NTAN1: variants seen among roughly 807,000 people sequenced by gnomAD.
NTAN1 encodes the protein N-terminal asparagine amidase, also known as protein N-terminal asparagine amidohydrolase.
A neutral mutation model predicts 41.9 loss-of-function variants in NTAN1; 32 were observed. That is an observed-to-expected ratio of 0.76 (90% CI 0.58 to 1.03). NTAN1 has a LOEUF of 1.03. NTAN1 is among the 50% of genes least tolerant of loss of function. The pLI, the probability that NTAN1 is intolerant of heterozygous loss-of-function variation, is 0.00. For missense variants in NTAN1, 377 were observed against 377.5 expected (o/e 1.00, Z 0.01); for synonymous variants, 140 against 139.5 (o/e 1.00, Z -0.03).
At chr16:15,046,697 CAAAAAAAA>C (rs9331444) in intron 4 of NTAN1, among the ~76,000 whole-genome samples, 9 of 43,620 alleles carry the variant, frequency 2.1e-4, no homozygotes, top group African/African-American at 6.8e-4. Context: ...CTGTCTCTAC[CAAAAAAAA>C]AAAAAAAAAA....
In NTAN1 at chr16:15,037,900, T is replaced by C. The variant is rs2043587875; in HGVS notation, c.*131A>G. On this transcript the variant is annotated 3_prime_UTR_variant, in exon 10 of 10. Transcript: ENST00000287706. ...TATTTTGAAAGTCATTTGATGAAAG[T>C]CATTTGAAAGACACTGAGGAGGGAA... 5.1e-6 allele frequency: 3 copies of C among 584,948 alleles called. No individual in the cohort carries two copies. Among genetic ancestry groups the C allele is most frequent in the African/African-American group, 1.9e-5 (1 of 53,710 alleles). 36.2% of individuals were successfully genotyped at this position (584,948 alleles called of 1,614,324 possible).
chr16:15,038,831 C>T lies in NTAN1; in HGVS notation c.640-144G>A, dbSNP rs983911492. The T allele has an allele frequency of 8.6e-6, 5 of 583,666 alleles. No individual in the cohort carries two copies. In the Admixed American group the frequency reaches 1.7e-4, roughly 19 times the overall value. 36.2% of individuals were successfully genotyped at this position (583,666 alleles called of 1,614,324 possible). A position where few individuals can be genotyped will look rare whatever the true frequency, so the allele number is the denominator to read the frequency against. ...ACCTGTCTCAAATAACAAAAGCTGC[C>T]AGCTACTGAACACGTCCAGTGTGTC... is the stretch of plus-strand genomic sequence containing the variant. On this transcript the variant is annotated intron_variant, in intron 8 of 9. Transcript: ENST00000287706.
chr16:15,044,743 G>T, intron 4 of NTAN1: 1 of 278,456 alleles, frequency 3.6e-6, no homozygotes, highest in Non-Finnish European at 6.8e-6. Flanking sequence ...TAGCACTTTG[G>T]GAGGCTGAGG....
At chr16:15,046,084 A>G (rs2044048122) in intron 4 of NTAN1, 2 of 152,292 alleles carry the variant, frequency 1.3e-5, no homozygotes, top group South Asian at 4.1e-4. Flanking sequence ...GTGTGGCAAC[A>G]TAATGGCATT....
rs186043480 is a variant in NTAN1 at position 15,040,434 on chromosome 16, G to A, written c.542-368C>T. The A allele has an allele frequency of 1.6e-3, 345 of 215,460 alleles. 1 individual carries two copies. The highest frequency in any genetic ancestry group is 2.4e-3 in the Non-Finnish European group (266 of 110,196). 13.3% of individuals were successfully genotyped at this position (215,460 alleles called of 1,614,324 possible). A position where few individuals can be genotyped will look rare whatever the true frequency, so the allele number is the denominator to read the frequency against. ...GTTCTGTTTGAATCTTCACAATTTA[G>A]TATTTTATACATACACGAAGTTACA... On this transcript the variant is annotated intron_variant, in intron 7 of 9. Coordinates refer to ENST00000287706, the MANE Select transcript of NTAN1 (RefSeq NM_173474.4).
intron 7 of NTAN1, chr16:15,040,271 T>G: frequency 2.3e-6 from 1 of 429,454 alleles, no homozygotes. Context: ...AGGCTCGAGC[T>G]GGACTCGGTG....
chr16:15,052,184 T>C (rs942936160), intron 1 of NTAN1, among the ~76,000 whole-genome samples: 1 of 152,218 alleles, frequency 6.6e-6, no homozygotes, highest in South Asian at 2.1e-4. Context: ...TCTGCTGTTA[T>C]TATGAAGTGA....
At chr16:15,051,308 A>C (rs2044281128) in intron 1 of NTAN1, among the ~76,000 whole-genome samples, 2 of 152,270 alleles carry the variant, frequency 1.3e-5, no homozygotes, top group African/African-American at 4.8e-5. Context: ...AAAAATTATC[A>C]GAAGAGAGAA....
intron 6 of NTAN1, 64 bp from the exon 7 acceptor site, chr16:15,041,185 G>C (rs1237886107): frequency 5.5e-6 from 6 of 1,084,430 alleles, no homozygotes; most frequent in Non-Finnish European, 8.5e-6. Context: ...TTTTTACTTT[G>C]TATAATAAAG....
Position 15,044,343 on chromosome 16 carries a change from G to T in NTAN1, c.424C>A (p.Gln142Lys). The T allele has an allele frequency of 6.2e-7, 1 of 1,606,244 alleles. No individual in the cohort carries two copies. Among genetic ancestry groups the T allele is most frequent in the Non-Finnish European group, 8.5e-7 (1 of 1,172,974 alleles). Residue 142 changes from glutamine to lysine, a missense_variant, in exon 5 of 10, where the codon CAA becomes AAA. By Grantham distance (53) the Gln-to-Lys change is moderately conservative (BLOSUM62 1). Coordinates refer to ENST00000287706, the MANE Select transcript of NTAN1 (RefSeq NM_173474.4). ...DRQLSQKLTHQLLSEFDRQED... is the reference protein window; with the variant it reads ...DRQLSQKLTHKLLSEFDRQED... ...AAAAAAATGAACTTACTAAGAAGTT[G>T]ATGAGTGAGTTTTTGTGACAACTGC...
chr16:15,040,307 C>T (rs1567754853), intron 7 of NTAN1: 2 of 408,190 alleles, frequency 4.9e-6, no homozygotes, highest in Non-Finnish European at 8.6e-6. Flanking sequence ...CCAAGAGCTG[C>T]TTTCCACATG....
intron 1 of NTAN1, among the ~76,000 whole-genome samples, chr16:15,048,648 G>T (rs1323279127): frequency 6.6e-6 from 1 of 152,110 alleles, no homozygotes; most frequent in East Asian, 1.9e-4. Context: ...TTTTGAGACA[G>T]TCTCTCACTC....
chr16:15,054,135 G>A (rs1273048040), intron 1 of NTAN1, among the ~76,000 whole-genome samples: 2 of 152,098 alleles, frequency 1.3e-5, no homozygotes, highest in Non-Finnish European at 2.9e-5. Context: ...TGCCCGCCGC[G>A]CCCCAGGCGG....
At chr16:15,038,471 C>T in intron 9 of NTAN1, 103 bp downstream of exon 9, 1 of 704,656 alleles carries the variant, frequency 1.4e-6, no homozygotes, top group Non-Finnish European at 2.4e-6. Context: ...TTACTACCCG[C>T]CAAAGGGAAA....
At position 15,038,622 on chromosome 16, in the gene NTAN1, A is replaced by AAAT; in HGVS notation, c.702_704dup (p.Pro234_Phe235insLeu). On this transcript the variant is annotated inframe_insertion, in exon 9 of 10. Coordinates refer to ENST00000287706, the MANE Select transcript of NTAN1 (RefSeq NM_173474.4). ...GGTGCAACCAGAAATCCACATGTGG[A>AAAT]AATGGTGTCCAGGAGTACGGTCCTA... 6.2e-7 allele frequency: 1 copy of AAAT among 1,610,298 alleles called. No individual in the cohort carries two copies. The highest frequency in any genetic ancestry group is 8.5e-7 in the Non-Finnish European group (1 of 1,176,672).
rs758597516 is a variant in NTAN1, at chr16:15,050,731, C to CA, written c.82-2633dup. ...TGGGTGACAGACCAAGACCCTGCCT[C>CA]AAAAAAAAAAAAATTAAGATTAAAC... On this transcript the variant is annotated intron_variant, in intron 1 of 9. Transcript: ENST00000287706. Among the ~76,000 whole-genome samples, 486 of 129,602 alleles carry CA rather than the reference C, an allele frequency of 3.7e-3. 1 individual carries two copies. Among genetic ancestry groups the CA allele is most frequent in the Middle Eastern group, 7.9e-3 (2 of 254 alleles). 85.0% of individuals were successfully genotyped at this position (129,602 alleles called of 152,430 possible). A position where few individuals can be genotyped will look rare whatever the true frequency, so the allele number is the denominator to read the frequency against.
Position 15,038,074 on chromosome 16 carries a change from TTTTTTTTGTAG to T in NTAN1, c.879_889del (p.Tyr294Ter). The T allele has an allele frequency of 6.2e-7, 1 of 1,600,022 alleles. No individual in the cohort carries two copies. The highest frequency in any genetic ancestry group is 1.1e-5 in the South Asian group (1 of 89,676). ...GATCTTTTCCCACAAGCCATCTTCA[TTTTTTTTGTAG>T]AGTAGGGCTTTATTTCCAGAAAACA... On this transcript the variant is annotated frameshift_variant, in exon 10 of 10. Transcript: ENST00000287706. LOFTEE classifies it high-confidence loss of function.
rs551229558 is a variant in NTAN1 at position 15,044,425 on chromosome 16, C to T, written c.360-18G>A. 113 of 1,588,756 alleles carry T rather than the reference C, an allele frequency of 7.1e-5. No homozygotes were observed. Among genetic ancestry groups the T allele is most frequent in the Middle Eastern group, 1.7e-4 (1 of 6,004 alleles). ...CTTCCAGCCTGGCAAAGAGATGAGA[C>T]GGGTCAGAGGCCAGAAGAAGACACC... On this transcript the variant is annotated intron_variant, in intron 4 of 9. Transcript: ENST00000287706.
In NTAN1 at chr16:15,038,086, A is replaced by C. The variant is rs1308738662; in HGVS notation, c.878T>G (p.Leu293Arg). The change falls in exon 10 of 10, where the codon CTC becomes CGC. Residue 293 changes from leucine to arginine, a missense_variant. Transcript: ENST00000287706. ...HTLFSGNKALLYKKNEDGLWE... is the reference protein window; with the variant it reads ...HTLFSGNKALRYKKNEDGLWE... Reference sequence around the variant, plus strand: ...CAAGCCATCTTCATTTTTTTTGTAGAGTAGGGCTTTATTTCCAGAAAACAG... The same window carrying C: ...CAAGCCATCTTCATTTTTTTTGTAGCGTAGGGCTTTATTTCCAGAAAACAG... 1 of 1,612,868 alleles carries C rather than the reference A, an allele frequency of 6.2e-7. No homozygotes were observed. The highest frequency in any genetic ancestry group is 1.1e-5 in the South Asian group (1 of 90,988).
Sources: gnomAD v4.1 joint callset for allele counts (sites outside exome capture counted in the v4.1 genomes callset) on GRCh38, gnomAD v4.1.1 for gene constraint, MANE v1.5 for transcripts, NCBI Gene and HGNC (gene_info 2026-07-23, HGNC 2026-07-21) for gene names.